The following TUSC3 variants were observed in gnomAD, a reference collection of about 807,000 sequenced individuals.
TUSC3 encodes the protein tumor suppressor candidate 3.
TUSC3 carries 45 observed loss-of-function variants against 44.8 expected under a neutral mutation model. The ratio of observed to expected loss-of-function variants is 1.00; its 90% CI spans 0.79 to 1.29. The LOEUF (loss-of-function observed/expected upper bound fraction) is 1.29, where lower values mean the gene tolerates loss of function less well. Among genes scored for constraint, TUSC3 ranks in the 50% most tolerant of loss-of-function variants. The pLI is 0.00. For missense variants in TUSC3, 519 were observed against 437.9 expected (o/e 1.19, Z -1.65); for synonymous variants, 212 against 152.9 (o/e 1.39, Z -2.85).
chr8:15,543,914 G>C (rs1246750694), intron 1 of TUSC3, among the ~76,000 whole-genome samples: 1 of 148,488 alleles, frequency 6.7e-6, no homozygotes, highest in Non-Finnish European at 1.5e-5. Context: ...ATGGATTTGT[G>C]TGTGTGTGTG....
intron 6 of TUSC3, among the ~76,000 whole-genome samples, chr8:15,718,863 T>C (rs1810176114): frequency 6.6e-6 from 1 of 152,144 alleles, no homozygotes; most frequent in Admixed American, 6.6e-5. Context: ...TCAGTTTTAA[T>C]GTTGTTGCCT....
chr8:15,511,257 G>A (rs1801132292), intron 2 of TUSC3, among the ~76,000 whole-genome samples: 1 of 151,854 alleles, frequency 6.6e-6, no homozygotes, highest in Non-Finnish European at 1.5e-5. Context: ...GGGAGGAAGG[G>A]AAGAAAGGAA....
intron 2 of TUSC3, among the ~76,000 whole-genome samples, chr8:15,526,094 A>G (rs1443102947): frequency 6.6e-6 from 1 of 151,566 alleles, no homozygotes; most frequent in African/African-American, 2.4e-5. Flanking sequence ...GTGCAGTGGC[A>G]CCATCTCGGC....
intron 1 of TUSC3, among the ~76,000 whole-genome samples, chr8:15,595,797 CTAT>C (rs1563124783): frequency 6.6e-6 from 1 of 152,078 alleles, no homozygotes; most frequent in Non-Finnish European, 1.5e-5. Flanking sequence ...TAAAATTCTA[CTAT>C]GTGTGTGGAA....
the TUSC3 span, among the ~76,000 whole-genome samples, chr8:15,790,003 C>T: frequency 6.6e-6 from 1 of 151,994 alleles, no homozygotes; most frequent in African/African-American, 2.4e-5. Context: ...GGGCTAACTC[C>T]TAGGCAGTGA....
intron 6 of TUSC3, among the ~76,000 whole-genome samples, chr8:15,675,241 G>A (rs1808132668): frequency 6.6e-6 from 1 of 151,598 alleles, no homozygotes; most frequent in South Asian, 2.1e-4. Flanking sequence ...ACTTAACGTT[G>A]TAAATTTAGG....
intron 6 of TUSC3, among the ~76,000 whole-genome samples, chr8:15,720,194 A>ATG: frequency 8.0e-6 from 1 of 125,510 alleles, no homozygotes; most frequent in South Asian, 2.7e-4. Flanking sequence ...TATAGTGTAT[A>ATG]TATATATACA....
intron 1 of TUSC3, among the ~76,000 whole-genome samples, chr8:15,440,240 C>A (rs73189499): frequency 1.4e-4 from 22 of 151,934 alleles, no homozygotes; most frequent in Non-Finnish European, 2.8e-4. Context: ...GAGAACTTTA[C>A]GGGCAGTGGA....
At chr8:15,507,921 G>A (rs1407406119) in intron 2 of TUSC3, among the ~76,000 whole-genome samples, 4 of 152,220 alleles carry the variant, frequency 2.6e-5, no homozygotes, top group East Asian at 1.9e-4. Context: ...GGTAAAACTT[G>A]AGCCAAAATA....
chr8:15,659,471 A>G (rs750950473), intron 3 of TUSC3, 36 bp from the exon 4 acceptor site: 1 of 1,604,174 alleles, frequency 6.2e-7, no homozygotes, highest in South Asian at 1.1e-5. Context: ...TGATAAGATG[A>G]TCCTATATTT....
chr8:15,833,754 G>A, the TUSC3 span, among the ~76,000 whole-genome samples: 63 of 151,858 alleles, frequency 4.1e-4, no homozygotes, highest in Non-Finnish European at 7.1e-4. Flanking sequence ...CTTAATACCC[G>A]GGTGACAAAA....
intron 6 of TUSC3, among the ~76,000 whole-genome samples, chr8:15,676,751 A>T (rs1479296989): frequency 6.6e-6 from 1 of 152,204 alleles, no homozygotes; most frequent in Non-Finnish European, 1.5e-5. Context: ...AAAATCATCC[A>T]GCTCCAAATA....
At chr8:15,520,197 A>C (rs573132850) in intron 2 of TUSC3, among the ~76,000 whole-genome samples, 1 of 152,320 alleles carries the variant, frequency 6.6e-6, no homozygotes, top group Admixed American at 6.5e-5. Flanking sequence ...TGAAACACTG[A>C]GAAAGAGGAA....
intron 1 of TUSC3, among the ~76,000 whole-genome samples, chr8:15,467,059 T>C (rs1015552686): frequency 6.6e-6 from 1 of 152,080 alleles, no homozygotes; most frequent in Non-Finnish European, 1.5e-5. Flanking sequence ...TCGAGATAAG[T>C]GTACAGTCTT....
chr8:15,618,888 C>G (rs1184241897), intron 1 of TUSC3, among the ~76,000 whole-genome samples: 1 of 152,116 alleles, frequency 6.6e-6, no homozygotes, highest in Non-Finnish European at 1.5e-5. Flanking sequence ...AAGAATTTTT[C>G]AGCCCCATTA....
intron 1 of TUSC3, among the ~76,000 whole-genome samples, chr8:15,573,194 CTCTCTCTCTATATATATATA>C (rs1802950550): frequency 1.9e-5 from 2 of 104,750 alleles, no homozygotes; most frequent in Non-Finnish European, 3.8e-5. Context: ...CTCTCTCTCT[CTCTCTCTCTATATATATATA>C]TATATATATA....
chr8:15,583,978 C>T (rs1166536412), intron 1 of TUSC3, among the ~76,000 whole-genome samples: 1 of 152,170 alleles, frequency 6.6e-6, no homozygotes, highest in Non-Finnish European at 1.5e-5. Context: ...TAGATAGTGT[C>T]AGTTGTTTGT....
intron 2 of TUSC3, among the ~76,000 whole-genome samples, chr8:15,639,177 G>A (rs112053640): frequency 4.9e-4 from 74 of 150,576 alleles, no homozygotes; most frequent in African/African-American, 1.1e-3. Context: ...GCTAGATCAC[G>A]TGATGTTCAG....
intron 2 of TUSC3, among the ~76,000 whole-genome samples, chr8:15,626,442 C>A (rs994392830): frequency 1.3e-5 from 2 of 152,188 alleles, no homozygotes; most frequent in Non-Finnish European, 2.9e-5. Context: ...CAGACAGTAG[C>A]CCTACCCTGC....
Sources: allele counts gnomAD v4.1 joint callset (sites outside exome capture counted in the v4.1 genomes callset), GRCh38; gene constraint gnomAD v4.1.1; transcripts MANE v1.5; gene names NCBI Gene and HGNC (gene_info 2026-07-23, HGNC 2026-07-21).